The following TRIO variants were observed in gnomAD, a reference collection of about 807,000 sequenced individuals.
TRIO encodes trio Rho guanine nucleotide exchange factor, also known as triple functional domain protein.
TRIO carries 58 observed loss-of-function variants against 351.9 expected under a neutral mutation model. That is an observed-to-expected ratio of 0.16 (90% CI 0.13 to 0.21). The LOEUF is 0.21. Ranked by LOEUF, TRIO falls within the 10% of genes least tolerant of loss-of-function variation. TRIO has a pLI of 1.00. For synonymous variants in TRIO, 1,758 were observed against 1,595.7 expected, an observed-to-expected ratio of 1.10 and a Z score of -2.42; for missense variants, 3,201 against 4,027.8, an observed-to-expected ratio of 0.79 and a Z score of 5.56.
intron 34 of TRIO, among the ~76,000 whole-genome samples, chr5:14,451,249 C>T (rs1234356929): frequency 2.0e-5 from 3 of 152,000 alleles, no homozygotes; most frequent in Non-Finnish European, 2.9e-5. Flanking sequence ...AAGTTGCATC[C>T]AGAGGATTAA....
intron 1 of TRIO, among the ~76,000 whole-genome samples, chr5:14,184,910 C>G (rs1790013332): frequency 6.6e-6 from 1 of 152,126 alleles, no homozygotes; most frequent in Admixed American, 6.5e-5. Flanking sequence ...GTTTAGTGTT[C>G]TCACTCCTAA....
chr5:14,359,572 C>G, intron 13 of TRIO, 41 bp downstream of exon 13: 1 of 1,601,846 alleles, frequency 6.2e-7, no homozygotes, highest in South Asian at 1.1e-5. Flanking sequence ...CTGTGGGAGC[C>G]CTTGGCTTCC....
At chr5:14,222,915 C>T (rs758683156) in intron 1 of TRIO, among the ~76,000 whole-genome samples, 1 of 152,180 alleles carries the variant, frequency 6.6e-6, no homozygotes, top group Non-Finnish European at 1.5e-5. Context: ...AATCAGATGG[C>T]GTGCAGTGTG....
At chr5:14,298,743 A>G (rs1028779676) in intron 7 of TRIO, among the ~76,000 whole-genome samples, 1 of 152,236 alleles carries the variant, frequency 6.6e-6, no homozygotes, top group African/African-American at 2.4e-5. Flanking sequence ...TCATAGCACC[A>G]TGTAAAAGCT....
chr5:14,375,640 C>T (rs1040475516), intron 19 of TRIO, among the ~76,000 whole-genome samples: 15 of 152,100 alleles, frequency 9.9e-5, no homozygotes, highest in Non-Finnish European at 4.4e-5. Context: ...AACCCCAAGG[C>T]ACAGGCAAGG....
chr5:14,372,704 G>A (rs1403978712), intron 18 of TRIO, among the ~76,000 whole-genome samples: 1 of 151,978 alleles, frequency 6.6e-6, no homozygotes, highest in Non-Finnish European at 1.5e-5. Flanking sequence ...TATCATCATG[G>A]ATTTAAATAT....
chr5:14,371,327 G>C (rs148347389), intron 18 of TRIO, among the ~76,000 whole-genome samples: 1 of 152,088 alleles, frequency 6.6e-6, no homozygotes, highest in Admixed American at 6.5e-5. Flanking sequence ...GAATTTTGTG[G>C]TGTTTGTGTA....
At position 14,258,046 on chromosome 5, in the gene TRIO, C is replaced by CT. The variant is rs201451393; in HGVS notation, c.158-12779_158-12778insT. Among the ~76,000 whole-genome samples the CT allele has an allele frequency of 5.1e-4, 78 of 152,342 alleles. 2 individuals are homozygous for CT. The highest frequency in any genetic ancestry group is 1.9e-3 in the South Asian group (9 of 4,826). On this transcript the variant is annotated intron_variant, in intron 1 of 56. Transcript: ENST00000344204. ...TAGGTAACTGCCCACAGTCACCCCC[C>CT]CTGGGAGGTGGCAAGCCCAGGCTCC... is the stretch of plus-strand genomic sequence containing the variant.
chr5:14,182,041 A>G (rs905912397), intron 1 of TRIO, among the ~76,000 whole-genome samples: 1 of 152,092 alleles, frequency 6.6e-6, no homozygotes, highest in South Asian at 2.1e-4. Context: ...CACTTCCCAC[A>G]TATCATTGAA....
chr5:14,402,030 A>G (rs566295879), intron 31 of TRIO, among the ~76,000 whole-genome samples: 1 of 152,262 alleles, frequency 6.6e-6, no homozygotes, highest in South Asian at 2.1e-4. Context: ...ATTTTTGTTC[A>G]TATGTGATAG....
chr5:14,330,610 C>T (rs1220680946), intron 9 of TRIO, among the ~76,000 whole-genome samples, 168 bp from the exon 10 acceptor site: 5 of 152,162 alleles, frequency 3.3e-5, no homozygotes, highest in African/African-American at 4.8e-5. Flanking sequence ...TTGTAATTAT[C>T]GAGTGTGTTA....
chr5:14,446,808 T>G (rs1408576161), intron 34 of TRIO, among the ~76,000 whole-genome samples: 1 of 152,246 alleles, frequency 6.6e-6, no homozygotes, highest in Non-Finnish European at 1.5e-5. Flanking sequence ...TATAATGTAC[T>G]AGATATTTGC....
chr5:14,366,367 C>T (rs1744589817), intron 15 of TRIO, among the ~76,000 whole-genome samples: 1 of 152,056 alleles, frequency 6.6e-6, no homozygotes, highest in South Asian at 2.1e-4. Flanking sequence ...ATCATTGTAG[C>T]ACAATGTTAT....
At chr5:14,491,834 C>A (rs1756510082) in intron 48 of TRIO, among the ~76,000 whole-genome samples, 1 of 152,110 alleles carries the variant, frequency 6.6e-6, no homozygotes, top group Non-Finnish European at 1.5e-5. Context: ...GCACCTGGGG[C>A]GAGTGGCACT....
rs748736021 is a variant in TRIO, at chr5:14,482,599, G to A, written c.6483G>A (p.Gln2161=). The A allele has an allele frequency of 2.7e-6, 4 of 1,508,380 alleles. No homozygotes were observed. 93.4% of individuals were successfully genotyped at this position (1,508,380 alleles called of 1,614,324 possible). The change falls in exon 46 of 57, where the codon CAG becomes CAA. Residue 2161 remains glutamine (Q), a synonymous_variant. Coordinates refer to ENST00000344204, the MANE Select transcript of TRIO (RefSeq NM_007118.4). ...LQGFDGKIVA[Q]GKLLLQDTFL... ...TGTTTTAGGGGAAAATCGTTGCCCA[G>A]GGTAAACTGCTCTTGCAGGACACAT...
rs185501632 is a variant in TRIO, at chr5:14,213,223, C to T, written c.158-57602C>T. On this transcript the variant is annotated intron_variant, in intron 1 of 56. Transcript: ENST00000344204. ...TACAATTTTTTTCCTGCTTCTCCTC[C>T]CTCCTCTTTTCTTTTCACTCTTCTT... Among the ~76,000 whole-genome samples, 20 of 152,094 alleles carry T rather than the reference C, an allele frequency of 1.3e-4. No homozygotes were observed. The East Asian group carries it at 3.7e-3, about 28-fold the overall frequency.
intron 1 of TRIO, among the ~76,000 whole-genome samples, chr5:14,234,629 A>G (rs1408204570): frequency 4.6e-5 from 7 of 152,176 alleles, no homozygotes; most frequent in Non-Finnish European, 1.0e-4. Flanking sequence ...AATAGTGAAA[A>G]TTGTTTCTGT....
intron 37 of TRIO, among the ~76,000 whole-genome samples, chr5:14,469,171 C>T (rs1754493964): frequency 6.6e-6 from 1 of 152,004 alleles, no homozygotes; most frequent in Non-Finnish European, 1.5e-5. Context: ...CAAAGAAAAG[C>T]AGAAGGAATG....
intron 1 of TRIO, among the ~76,000 whole-genome samples, chr5:14,239,279 C>T (rs560280192): frequency 3.3e-5 from 5 of 152,228 alleles, no homozygotes; most frequent in South Asian, 4.1e-4. Context: ...CCCTCCCCCC[C>T]ATTCTTAGTT....
Sources: allele counts gnomAD v4.1 joint callset (sites outside exome capture counted in the v4.1 genomes callset), GRCh38; gene constraint gnomAD v4.1.1; transcripts MANE v1.5; gene names NCBI Gene and HGNC (gene_info 2026-07-23, HGNC 2026-07-21).